The following CTNNA2 variants were observed in gnomAD, a reference collection of about 807,000 sequenced individuals.
CTNNA2 encodes the protein catenin alpha 2.
CTNNA2 carries 42 observed loss-of-function variants against 101.0 expected under a neutral mutation model. The observed-to-expected ratio is 0.42, with a 90% CI of 0.32 to 0.54. The LOEUF (loss-of-function observed/expected upper bound fraction) is 0.54, where lower values mean the gene tolerates loss of function less well. CTNNA2 is among the 20% of genes least tolerant of loss of function. The pLI is 0.14. For synonymous variants in CTNNA2, 450 were observed against 456.4 expected, an observed-to-expected ratio of 0.99 and a Z score of 0.18; for missense variants, 871 against 1,223.1, an observed-to-expected ratio of 0.71 and a Z score of 4.29.
chr2:80,611,793 TA>T (rs1573453033), intron 17 of CTNNA2, among the ~76,000 whole-genome samples: 1 of 151,618 alleles, frequency 6.6e-6, no homozygotes, highest in Non-Finnish European at 1.5e-5. Flanking sequence ...TAATAAAGCC[TA>T]CCTAAACTGT....
intron 4 of CTNNA2, among the ~76,000 whole-genome samples, chr2:79,439,016 C>G (rs1480400952): frequency 6.6e-6 from 1 of 152,082 alleles, no homozygotes; most frequent in South Asian, 2.1e-4. Flanking sequence ...TTTGAGAGAT[C>G]CTCAAAAGGT....
intron 7 of CTNNA2, among the ~76,000 whole-genome samples, chr2:80,346,198 A>T (rs1672720319): frequency 6.6e-6 from 1 of 152,202 alleles, no homozygotes; most frequent in African/African-American, 2.4e-5. Context: ...CATTGCTTTA[A>T]AGAAACACCT....
intron 2 of CTNNA2, among the ~76,000 whole-genome samples, chr2:79,303,812 G>T (rs911503544): frequency 3.9e-5 from 6 of 151,956 alleles, no homozygotes; most frequent in African/African-American, 1.5e-4. Context: ...AGTGGGGGCT[G>T]AGGGAATGCC....
chr2:79,759,651 T>G (rs933550317), intron 3 of CTNNA2, among the ~76,000 whole-genome samples: 1 of 152,172 alleles, frequency 6.6e-6, no homozygotes, highest in African/African-American at 2.4e-5. Context: ...AATACCTCCT[T>G]TCCCTCCCAC....
chr2:80,355,512 T>G (rs1391405198), intron 7 of CTNNA2, among the ~76,000 whole-genome samples: 1 of 152,154 alleles, frequency 6.6e-6, no homozygotes, highest in East Asian at 1.9e-4. Flanking sequence ...CTGATTAGTC[T>G]TCTGAACAAC....
At chr2:79,426,243 G>A (rs548933333) in intron 4 of CTNNA2, among the ~76,000 whole-genome samples, 2 of 152,186 alleles carry the variant, frequency 1.3e-5, no homozygotes, top group South Asian at 4.1e-4. Context: ...AAATATGATG[G>A]ATTATCAAAC....
At chr2:79,436,227 C>T (rs1256319474) in intron 4 of CTNNA2, among the ~76,000 whole-genome samples, 1 of 152,076 alleles carries the variant, frequency 6.6e-6, no homozygotes, top group African/African-American at 2.4e-5. Flanking sequence ...CATCAGGAAG[C>T]CTTAGTGGAT....
At chr2:80,370,045 A>G (rs1368842039) in intron 7 of CTNNA2, among the ~76,000 whole-genome samples, 2 of 152,168 alleles carry the variant, frequency 1.3e-5, no homozygotes, top group Non-Finnish European at 2.9e-5. Flanking sequence ...CACAGATGCT[A>G]AAATATAGGG....
intron 14 of CTNNA2, among the ~76,000 whole-genome samples, chr2:80,582,228 C>T (rs1365887550): frequency 6.6e-6 from 1 of 152,114 alleles, no homozygotes; most frequent in Non-Finnish European, 1.5e-5. Context: ...AATGAGGAAT[C>T]AGGGCACTAC....
At chr2:80,134,316 G>A (rs1276982178) in intron 7 of CTNNA2, among the ~76,000 whole-genome samples, 2 of 152,088 alleles carry the variant, frequency 1.3e-5, no homozygotes, top group African/African-American at 4.8e-5. Context: ...CATGGAGGGA[G>A]GAGGCAGGGA....
chr2:80,171,724 A>G (rs574597408), intron 7 of CTNNA2, among the ~76,000 whole-genome samples: 4 of 152,304 alleles, frequency 2.6e-5, no homozygotes, highest in African/African-American at 9.6e-5. Context: ...CTGAAATTGC[A>G]CACATCACGT....
intron 2 of CTNNA2, among the ~76,000 whole-genome samples, chr2:79,211,345 T>C (rs982688830): frequency 3.3e-5 from 5 of 152,172 alleles, no homozygotes; most frequent in Non-Finnish European, 5.9e-5. Flanking sequence ...AGGGAAACTT[T>C]TCATGCGCGT....
intron 7 of CTNNA2, among the ~76,000 whole-genome samples, chr2:80,131,173 C>T (rs550471191): frequency 1.3e-5 from 2 of 152,218 alleles, no homozygotes; most frequent in Admixed American, 6.5e-5. Flanking sequence ...ATTCTCATTC[C>T]TCAGCCTCCA....
intron 7 of CTNNA2, among the ~76,000 whole-genome samples, chr2:80,277,822 C>T (rs781266007): frequency 2.6e-5 from 4 of 152,136 alleles, no homozygotes; most frequent in Non-Finnish European, 5.9e-5. Context: ...ACCACGTCAA[C>T]CTTCTGGTAA....
chr2:80,009,420 C>A (rs1417347473), intron 7 of CTNNA2, among the ~76,000 whole-genome samples: 1 of 152,096 alleles, frequency 6.6e-6, no homozygotes, highest in Non-Finnish European at 1.5e-5. Flanking sequence ...GCTCGCAAGT[C>A]ATTGGGAAGA....
chr2:79,715,785 C>A (rs1367088962), intron 2 of CTNNA2, among the ~76,000 whole-genome samples: 2 of 151,912 alleles, frequency 1.3e-5, no homozygotes, highest in African/African-American at 4.8e-5. Context: ...CATTGCTAAC[C>A]CACTGAATGC....
intron 2 of CTNNA2, among the ~76,000 whole-genome samples, chr2:79,731,109 G>C (rs1687167834): frequency 6.6e-6 from 1 of 151,912 alleles, no homozygotes; most frequent in African/African-American, 2.4e-5. Context: ...GGGTTTGTTT[G>C]TTTGTTTACA....
intron 3 of CTNNA2, among the ~76,000 whole-genome samples, chr2:79,823,666 A>G (rs1678200486): frequency 6.6e-6 from 1 of 152,188 alleles, no homozygotes; most frequent in Non-Finnish European, 1.5e-5. Context: ...TGTATACTTA[A>G]ATATAACCCT....
At chr2:79,539,226 G>A (rs1220553260) in intron 1 of CTNNA2, among the ~76,000 whole-genome samples, 3 of 152,062 alleles carry the variant, frequency 2.0e-5, no homozygotes, top group Non-Finnish European at 4.4e-5. Context: ...ATAGGAGTGA[G>A]GCATGCAAAT....
Sources: gnomAD v4.1 joint callset for allele counts (sites outside exome capture counted in the v4.1 genomes callset) on GRCh38, gnomAD v4.1.1 for gene constraint, MANE v1.5 for transcripts, NCBI Gene and HGNC (gene_info 2026-07-23, HGNC 2026-07-21) for gene names.